The following CLEC3B variants were observed in gnomAD, a reference collection of about 807,000 sequenced individuals.
CLEC3B encodes the protein C-type lectin domain family 3 member B, also known as tetranectin.
CLEC3B carries 13 observed loss-of-function variants against 15.4 expected under a neutral mutation model. That is an observed-to-expected ratio of 0.84 (90% CI 0.55 to 1.34). The LOEUF is 1.34. CLEC3B is among the 40% of genes most tolerant of loss of function. CLEC3B has a pLI of 0.00. For synonymous variants in CLEC3B, 112 were observed against 114.7 expected, an observed-to-expected ratio of 0.98 and a Z score of 0.15; for missense variants, 242 against 268.6, an observed-to-expected ratio of 0.90 and a Z score of 0.69.
At chr3:45,032,232 C>T (rs936561205) in intron 2 of CLEC3B, among the ~76,000 whole-genome samples, 1 of 152,180 alleles carries the variant, frequency 6.6e-6, no homozygotes, top group African/African-American at 2.4e-5. Context: ...CCCCCAACAG[C>T]CTTCTCACCG....
chr3:45,027,770 G>A (rs988216320), intron 1 of CLEC3B, among the ~76,000 whole-genome samples: 2 of 152,130 alleles, frequency 1.3e-5, no homozygotes, highest in Non-Finnish European at 2.9e-5. Flanking sequence ...GCATAGTTAC[G>A]TCTATGAGCA....
chr3:45,029,769 G>A (rs570133400), intron 1 of CLEC3B, among the ~76,000 whole-genome samples: 4 of 152,260 alleles, frequency 2.6e-5, no homozygotes, highest in South Asian at 2.1e-4. Context: ...ACCAGGGTCC[G>A]CCCCAGGAGC....
intron 2 of CLEC3B, 55 bp downstream of exon 2, chr3:45,030,980 C>T: frequency 8.2e-7 from 1 of 1,221,838 alleles, no homozygotes; most frequent in Non-Finnish European, 1.2e-6. Flanking sequence ...AGGGCCCAGG[C>T]CAGCAGCCAG....
At chr3:45,030,768 AG>A in intron 1 of CLEC3B, 58 bp from the exon 2 acceptor site, 1 of 1,183,446 alleles carries the variant, frequency 8.4e-7, no homozygotes, top group South Asian at 1.3e-5. Context: ...TCTGCAGCTA[AG>A]GTAGGATCCT....
chr3:45,033,837 A>G (rs935010974), intron 2 of CLEC3B, among the ~76,000 whole-genome samples: 1 of 152,202 alleles, frequency 6.6e-6, no homozygotes, highest in Non-Finnish European at 1.5e-5. Context: ...CAACTCTGAG[A>G]TGGAGTTTAA....
At chr3:45,027,792 C>T (rs1226882073) in intron 1 of CLEC3B, among the ~76,000 whole-genome samples, 5 of 152,160 alleles carry the variant, frequency 3.3e-5, no homozygotes, top group African/African-American at 4.8e-5. Flanking sequence ...TAGCCAAAAT[C>T]GCCACCAAGG....
chr3:45,032,505 C>T (rs544882595), intron 2 of CLEC3B, among the ~76,000 whole-genome samples: 202 of 152,348 alleles, frequency 1.3e-3, no homozygotes, highest in African/African-American at 4.6e-3. Context: ...ATGATACACT[C>T]ATTTCCTGAT....
chr3:45,035,475 C>T (rs933985434), intron 2 of CLEC3B, 49 bp from the exon 3 acceptor site: 1 of 1,552,062 alleles, frequency 6.4e-7, no homozygotes, highest in Non-Finnish European at 8.7e-7. Context: ...GGCTCTTTGC[C>T]TGGGGAACAG....
chr3:45,030,500 C>T (rs2125979893), intron 1 of CLEC3B, among the ~76,000 whole-genome samples: 1 of 152,280 alleles, frequency 6.6e-6, no homozygotes, highest in Non-Finnish European at 1.5e-5. Context: ...CTGTGCTGTT[C>T]TTCCCTGGAG....
Position 45,035,971 on chromosome 3 carries a change from C to A in CLEC3B, c.*47C>A. On this transcript the variant is annotated 3_prime_UTR_variant, in exon 3 of 3. Coordinates refer to ENST00000296130, the MANE Select transcript of CLEC3B (RefSeq NM_003278.3). ...GGGGCCTGGAGGAGGGCAGGGGCCG[C>A]GGGAGGCCGGGAGGAGGGTGGGGAC... 2 of 1,198,564 alleles carry A rather than the reference C, an allele frequency of 1.7e-6. No individual in the cohort carries two copies. Among genetic ancestry groups the A allele is most frequent in the Non-Finnish European group, 2.3e-6 (2 of 864,322 alleles). 74.2% of individuals were successfully genotyped at this position (1,198,564 alleles called of 1,614,324 possible). A position where few individuals can be genotyped will look rare whatever the true frequency, so the allele number is the denominator to read the frequency against.
At chr3:45,029,056 G>A (rs922809096) in intron 1 of CLEC3B, among the ~76,000 whole-genome samples, 37 of 152,154 alleles carry the variant, frequency 2.4e-4, no homozygotes, top group Admixed American at 1.7e-3. Flanking sequence ...CTAACATCAC[G>A]CAGAAGGAAC....
chr3:45,030,892 G>A lies in CLEC3B; in HGVS notation c.175G>A (p.Ala59Thr). ...SRLDTLAQEV[A>T]LLKEQQALQT... ...TCTGGACACCCTGGCCCAGGAGGTG[G>A]CCCTGCTGAAGGAGCAGCAGGCCCT... Residue 59 changes from alanine to threonine, a missense_variant, in exon 2 of 3, where the codon GCC becomes ACC. By Grantham distance (58) the Ala-to-Thr change is moderately conservative. Coordinates refer to ENST00000296130, the MANE Select transcript of CLEC3B (RefSeq NM_003278.3). The A allele has an allele frequency of 6.3e-7, 1 of 1,590,270 alleles. No homozygotes were observed. Among genetic ancestry groups the A allele is most frequent in the Non-Finnish European group, 8.6e-7 (1 of 1,168,234 alleles).
chr3:45,035,731 C>T lies in CLEC3B; in HGVS notation c.416C>T (p.Ala139Val), dbSNP rs1348676016. The change falls in exon 3 of 3, where the codon GCG (alanine) becomes GTG (valine). Residue 139 changes from alanine (A) to valine (V), a missense_variant. Transcript: ENST00000296130. The part of the protein sequence containing the change: ...AEIWLGLNDM[A>V]AEGTWVDMTG... ...ATCTGGCTGGGCCTCAACGACATGGCGGCCGAGGGCACCTGGGTGGACATG... is the reference window on the plus strand; with the variant it reads ...ATCTGGCTGGGCCTCAACGACATGGTGGCCGAGGGCACCTGGGTGGACATG... 1 of 1,613,734 alleles carries T rather than the reference C, an allele frequency of 6.2e-7. No individual in the cohort carries two copies.
chr3:45,027,583 T>A (rs1697501297), intron 1 of CLEC3B, among the ~76,000 whole-genome samples: 1 of 152,254 alleles, frequency 6.6e-6, no homozygotes, highest in African/African-American at 2.4e-5. Context: ...ATAAGTTCTT[T>A]CTGGAAGGAT....
Position 45,030,850 on chromosome 3 carries a change from G to C in CLEC3B, c.133G>C (p.Glu45Gln). The C allele has an allele frequency of 6.3e-7, 1 of 1,595,022 alleles. No homozygotes were observed. Among genetic ancestry groups the C allele is most frequent in the South Asian group, 1.1e-5 (1 of 87,538 alleles). The stretch of plus-strand genomic sequence containing the variant: ...AGATGTTGTGAACACAAAGATGTTT[G>C]AGGAGCTCAAGAGCCGTCTGGACAC... ...KKDVVNTKMF[E>Q]ELKSRLDTLA... Residue 45 changes from glutamate (E) to glutamine (Q), a missense_variant, in exon 2 of 3, where the codon GAG (glutamate) becomes CAG (glutamine). By Grantham distance (29) the Glu-to-Gln change is conservative (BLOSUM62 2). Coordinates refer to ENST00000296130, the MANE Select transcript of CLEC3B (RefSeq NM_003278.3).
intron 1 of CLEC3B, among the ~76,000 whole-genome samples, chr3:45,028,340 G>T (rs1362911111): frequency 6.6e-6 from 1 of 152,218 alleles, no homozygotes; most frequent in Admixed American, 6.5e-5. Context: ...AGGATCGCTT[G>T]AGGCCAGGAG....
intron 1 of CLEC3B, among the ~76,000 whole-genome samples, chr3:45,026,691 C>T (rs1697490031): frequency 1.3e-5 from 2 of 152,172 alleles, no homozygotes; most frequent in Non-Finnish European, 2.9e-5. Context: ...CCTTCCAGAT[C>T]ATCCAAACTG....
intron 2 of CLEC3B, among the ~76,000 whole-genome samples, chr3:45,032,418 T>C (rs1234303354): frequency 6.6e-6 from 1 of 152,208 alleles, no homozygotes; most frequent in Non-Finnish European, 1.5e-5. Flanking sequence ...CACTAATCCC[T>C]CATCTCAATC....
intron 1 of CLEC3B, 79 bp from the exon 2 acceptor site, chr3:45,030,748 C>T: frequency 1.0e-6 from 1 of 958,484 alleles, no homozygotes; most frequent in Non-Finnish European, 1.6e-6. Context: ...GAGTCTTTTC[C>T]TCTCATCCCT....
Sources: gnomAD v4.1 joint callset for allele counts (sites outside exome capture counted in the v4.1 genomes callset) on GRCh38, gnomAD v4.1.1 for gene constraint, MANE v1.5 for transcripts, NCBI Gene and HGNC (gene_info 2026-07-23, HGNC 2026-07-21) for gene names.